The following VPS13B variants were observed in gnomAD, a reference collection of about 807,000 sequenced individuals.
VPS13B encodes the protein intermembrane lipid transfer protein VPS13B.
A neutral mutation model predicts 426.4 loss-of-function variants in VPS13B; 285 were observed. The ratio of observed to expected loss-of-function variants is 0.67; its 90% CI spans 0.61 to 0.74. The LOEUF is 0.74. VPS13B is among the 30% of genes least tolerant of loss of function. The pLI, the probability that VPS13B is intolerant of heterozygous loss-of-function variation, is 0.00. For missense variants in VPS13B, 4,537 were observed against 4,782.6 expected, an observed-to-expected ratio of 0.95 and a Z score of 1.51; for synonymous variants, 1,676 against 1,676.4, an observed-to-expected ratio of 1.00 and a Z score of 0.01.
chr8:99,821,777 C>A (rs1814383778), intron 50 of VPS13B, among the ~76,000 whole-genome samples: 1 of 152,088 alleles, frequency 6.6e-6, no homozygotes, highest in Non-Finnish European at 1.5e-5. Flanking sequence ...TCCAAAATAT[C>A]CACAAATTGT....
intron 19 of VPS13B, among the ~76,000 whole-genome samples, chr8:99,285,482 T>C (rs1588208619): frequency 2.6e-5 from 4 of 152,302 alleles, no homozygotes; most frequent in Admixed American, 2.6e-4. Context: ...AGTATTCGGG[T>C]TGTATACTGG....
chr8:99,565,226 T>C (rs1409711586), intron 31 of VPS13B, among the ~76,000 whole-genome samples: 1 of 152,214 alleles, frequency 6.6e-6, no homozygotes, highest in East Asian at 1.9e-4. Context: ...CATAATACTT[T>C]TATTTCTTCC....
intron 17 of VPS13B, chr8:99,233,019 C>T: frequency 1.1e-6 from 1 of 900,636 alleles, no homozygotes; most frequent in Admixed American, 1.9e-5. Context: ...CTCCATTCAT[C>T]TGTTGTTTTG....
chr8:99,168,095 T>A (rs1242142026), intron 15 of VPS13B, among the ~76,000 whole-genome samples: 1 of 152,124 alleles, frequency 6.6e-6, no homozygotes, highest in Non-Finnish European at 1.5e-5. Context: ...TAGTTCTTTT[T>A]GATTTGGTGG....
chr8:99,097,691 T>G (rs1361872681), intron 4 of VPS13B, among the ~76,000 whole-genome samples: 1 of 152,116 alleles, frequency 6.6e-6, no homozygotes, highest in Non-Finnish European at 1.5e-5. Context: ...TCTGTATCTT[T>G]CATATAAAAA....
intron 19 of VPS13B, among the ~76,000 whole-genome samples, chr8:99,374,701 G>T (rs1388951130): frequency 6.6e-6 from 1 of 152,106 alleles, no homozygotes; most frequent in Non-Finnish European, 1.5e-5. Context: ...AGTTCCGTTG[G>T]ATCTGGTCTT....
chr8:99,315,393 AT>A (rs1167352239), intron 19 of VPS13B, among the ~76,000 whole-genome samples: 1 of 147,010 alleles, frequency 6.8e-6, no homozygotes, highest in Non-Finnish European at 1.5e-5. Context: ...CATGTGCTGG[AT>A]TTTTTTCTTG....
intron 25 of VPS13B, among the ~76,000 whole-genome samples, chr8:99,487,827 A>C (rs1438801645): frequency 6.6e-6 from 1 of 152,104 alleles, no homozygotes; most frequent in Non-Finnish European, 1.5e-5. Context: ...TATATAACAC[A>C]TTTAATTTAT....
At chr8:99,302,429 TTATTGGGCAAAATCTTCTAACACAAAGCC>T (rs1319096699) in intron 19 of VPS13B, among the ~76,000 whole-genome samples, 3 of 152,190 alleles carry the variant, frequency 2.0e-5, no homozygotes, top group Non-Finnish European at 4.4e-5. Flanking sequence ...CCTTAGCCTA[TTATTGGGCAAAATCTTCTAACACAAAGCC>T]TATTTTATGA....
chr8:99,453,327 A>T (rs1818291655), intron 23 of VPS13B, among the ~76,000 whole-genome samples: 1 of 152,190 alleles, frequency 6.6e-6, no homozygotes. Context: ...TTTAATCCTC[A>T]AACCGTGTAT....
At chr8:99,334,508 A>G (rs571937841) in intron 19 of VPS13B, among the ~76,000 whole-genome samples, 1 of 152,076 alleles carries the variant, frequency 6.6e-6, no homozygotes, top group Non-Finnish European at 1.5e-5. Context: ...GATAGCTCTT[A>G]TTATTTTGAG....
rs2130621835 is a variant in VPS13B, at chr8:99,766,929, A to G, written c.7206A>G (p.Arg2402=). The change falls in exon 40 of 62, where the codon AGA becomes AGG. Residue 2402 remains arginine, a synonymous_variant. Transcript: ENST00000357162. ...QKKLVSSDLW[R]IVLNSSQNGA... is the part of the protein sequence containing the mutation. ...AATTAGTATCTTCAGATCTTTGGAG[A>G]ATTGTCTTGAACAGCAGTCAAAATG... The G allele has an allele frequency of 1.2e-6, 2 of 1,613,984 alleles. No individual in the cohort carries two copies. Among genetic ancestry groups the G allele is most frequent in the Non-Finnish European group, 1.7e-6 (2 of 1,179,944 alleles).
At chr8:99,221,580 C>T (rs1432585407) in intron 17 of VPS13B, among the ~76,000 whole-genome samples, 1 of 152,134 alleles carries the variant, frequency 6.6e-6, no homozygotes, top group Non-Finnish European at 1.5e-5. Flanking sequence ...ATCTAAATGA[C>T]TATTGCTTTT....
At chr8:99,716,386 T>C (rs756452413) in intron 36 of VPS13B, among the ~76,000 whole-genome samples, 2 of 152,068 alleles carry the variant, frequency 1.3e-5, no homozygotes, top group Non-Finnish European at 2.9e-5. Flanking sequence ...TCTGGTGAAA[T>C]TCAATATTCA....
intron 33 of VPS13B, among the ~76,000 whole-genome samples, chr8:99,629,213 A>T (rs1288253397): frequency 6.6e-6 from 1 of 152,172 alleles, no homozygotes; most frequent in Non-Finnish European, 1.5e-5. Flanking sequence ...AAGTTCCTGG[A>T]GCATACTGTG....
chr8:99,623,335 T>C (rs1290351343), intron 33 of VPS13B, among the ~76,000 whole-genome samples: 1 of 152,172 alleles, frequency 6.6e-6, no homozygotes, highest in Non-Finnish European at 1.5e-5. Flanking sequence ...GTAGAACCCT[T>C]CCTGATCTCC....
intron 8 of VPS13B, among the ~76,000 whole-genome samples, chr8:99,124,165 A>G (rs1848077598): frequency 6.6e-6 from 1 of 152,230 alleles, no homozygotes; most frequent in African/African-American, 2.4e-5. Flanking sequence ...GGTAAGTACC[A>G]TAAAGGTTTT....
chr8:99,811,772 A>G (rs1309090033), intron 44 of VPS13B, among the ~76,000 whole-genome samples: 2 of 152,168 alleles, frequency 1.3e-5, no homozygotes, highest in African/African-American at 4.8e-5. Context: ...AAACTCTGTG[A>G]ATCAATTTCC....
At chr8:99,779,265 T>C (rs1811894653) in intron 42 of VPS13B, among the ~76,000 whole-genome samples, 1 of 152,188 alleles carries the variant, frequency 6.6e-6, no homozygotes, top group Non-Finnish European at 1.5e-5. Flanking sequence ...CATGCCCACA[T>C]TTTTGTGACT....
Sources: allele counts gnomAD v4.1 joint callset (sites outside exome capture counted in the v4.1 genomes callset), GRCh38; gene constraint gnomAD v4.1.1; transcripts MANE v1.5; gene names NCBI Gene and HGNC (gene_info 2026-07-23, HGNC 2026-07-21).